Variants in CCDC141 observed in about 807,000 individuals in gnomAD.
CCDC141 encodes the protein coiled-coil domain containing 141.
CCDC141 carries 168 observed loss-of-function variants against 181.0 expected under a neutral mutation model. The ratio of observed to expected loss-of-function variants is 0.93; its 90% CI spans 0.82 to 1.05. The LOEUF (loss-of-function observed/expected upper bound fraction) is 1.05. Among genes scored for constraint, CCDC141 ranks in the 50% least tolerant of loss-of-function variants. The pLI, the probability that CCDC141 is intolerant of heterozygous loss-of-function variation, is 0.00. For missense variants in CCDC141, 1,902 were observed against 1,788.5 expected, an observed-to-expected ratio of 1.06 and a Z score of -1.14; for synonymous variants, 666 against 642.3, an observed-to-expected ratio of 1.04 and a Z score of -0.56.
At chr2:178,860,163 G>A (rs1319078649) in intron 17 of CCDC141, among the ~76,000 whole-genome samples, 1 of 152,074 alleles carries the variant, frequency 6.6e-6, no homozygotes, top group Non-Finnish European at 1.5e-5. Flanking sequence ...AAAGCTTTTT[G>A]ATGCTCATAT....
In CCDC141 at chr2:178,906,178, T is replaced by C. The variant is rs112559159; in HGVS notation, c.1093-677A>G. Among the ~76,000 whole-genome samples the C allele has an allele frequency of 4.5e-3, 686 of 152,318 alleles. 7 individuals carry two copies. The highest frequency in any genetic ancestry group is 0.016 in the African/African-American group (653 of 41,574). On this transcript the variant is annotated intron_variant, in intron 7 of 23. Transcript: ENST00000443758. Reference sequence around the variant, plus strand: ...AAACATAGCCTTGCAAACCAAGATATTGTCTTGAGAGAAGATTTTAAAATT... The same window carrying C: ...AAACATAGCCTTGCAAACCAAGATACTGTCTTGAGAGAAGATTTTAAAATT...
chr2:178,821,516 A>G, the CCDC141 span, among the ~76,000 whole-genome samples: 4 of 152,210 alleles, frequency 2.6e-5, no homozygotes, highest in African/African-American at 9.6e-5. Context: ...AGTGAGAGCT[A>G]GACGCACATT....
At chr2:178,928,560 A>C (rs1489544871) in intron 6 of CCDC141, among the ~76,000 whole-genome samples, 3 of 145,340 alleles carry the variant, frequency 2.1e-5, no homozygotes, top group African/African-American at 8.5e-5. Context: ...AAATGCCAGG[A>C]AAAAAAAAGA....
chr2:178,959,875 CAT>C (rs1253982161), intron 5 of CCDC141, among the ~76,000 whole-genome samples: 1 of 152,198 alleles, frequency 6.6e-6, no homozygotes, highest in Non-Finnish European at 1.5e-5. Context: ...TTGACCAACA[CAT>C]GTCAAAATTC....
At chr2:178,955,271 C>A (rs984629210) in intron 5 of CCDC141, among the ~76,000 whole-genome samples, 1 of 151,870 alleles carries the variant, frequency 6.6e-6, no homozygotes, top group South Asian at 2.1e-4. Flanking sequence ...GGTGACAGAG[C>A]GAGACTCTGT....
In CCDC141 at chr2:178,944,576, C is replaced by T; in HGVS notation, c.856G>A (p.Asp286Asn). 1.3e-6 allele frequency: 2 copies of T among 1,538,098 alleles called. No homozygotes were observed. The highest frequency in any genetic ancestry group is 8.8e-7 in the Non-Finnish European group (1 of 1,140,558). The change falls in exon 6 of 24, where the codon GAT (aspartate) becomes AAT (asparagine). Residue 286 changes from aspartate (D) to asparagine (N), a missense_variant. Physicochemically the swap from Asp to Asn is conservative, Grantham distance 23. Transcript: ENST00000443758. ...AGTTCCTCTTGCTTATGAATTCGAT[C>T]CTCATTGTCTGAAAGTGATGAACCT... The part of the protein sequence containing the change: ...SLGSSLSDNE[D>N]RIHKQEELII...
intron 6 of CCDC141, among the ~76,000 whole-genome samples, chr2:178,930,484 A>G (rs1420034297): frequency 3.3e-5 from 5 of 152,070 alleles, no homozygotes. Flanking sequence ...ATTGGAAAGG[A>G]CCCTGAATAG....
intron 2 of CCDC141, among the ~76,000 whole-genome samples, chr2:179,010,124 A>T (rs1320094878): frequency 6.6e-6 from 1 of 152,048 alleles, no homozygotes; most frequent in East Asian, 1.9e-4. Flanking sequence ...AGAAAATATG[A>T]ACAAAGCCTC....
At chr2:178,834,900 G>A (rs548558337) in intron 23 of CCDC141, among the ~76,000 whole-genome samples, 1 of 151,718 alleles carries the variant, frequency 6.6e-6, no homozygotes, top group East Asian at 2.0e-4. Context: ...GGTGGCGAGA[G>A]AATTGCTTTG....
intron 13 of CCDC141, 101 bp downstream of exon 13, chr2:178,872,032 G>A: frequency 1.8e-6 from 2 of 1,134,836 alleles, no homozygotes; most frequent in South Asian, 1.6e-5. Context: ...TTATCCTTTT[G>A]TGTTTGGCTT....
rs1428155158 is a variant in CCDC141, at chr2:178,981,700, A to C, written c.226-3025T>G. Among the ~76,000 whole-genome samples, 7 of 141,458 alleles carry C rather than the reference A, an allele frequency of 4.9e-5. No homozygotes were observed. In the East Asian group the frequency reaches 1.4e-3, roughly 29 times the overall value. 92.8% of individuals were successfully genotyped at this position (141,458 alleles called of 152,430 possible). ...TATATATATAGAGAGAGAGAGAGAG[A>C]GAAAAAAAAACCTAAATCAGTCTTC... On this transcript the variant is annotated intron_variant, in intron 2 of 23. Transcript: ENST00000443758.
intron 8 of CCDC141, among the ~76,000 whole-genome samples, chr2:178,899,006 T>G (rs1269347617): frequency 6.6e-6 from 1 of 152,154 alleles, no homozygotes; most frequent in African/African-American, 2.4e-5. Context: ...TTACCCTCAG[T>G]ATTTTTTTAA....
At chr2:178,852,404 A>G (rs17362581) in intron 20 of CCDC141, among the ~76,000 whole-genome samples, 40,959 of 152,174 alleles carry the variant, frequency 0.27, 7,249 homozygotes, top group Non-Finnish European at 0.4. Context: ...GAGGAAACAT[A>G]TATCAGGCTA....
intron 20 of CCDC141, among the ~76,000 whole-genome samples, chr2:178,852,718 T>A (rs929163353): frequency 2.0e-5 from 3 of 152,222 alleles, no homozygotes; most frequent in African/African-American, 7.2e-5. Flanking sequence ...ATTTGCCTGG[T>A]CACTGGGAAT....
intron 6 of CCDC141, among the ~76,000 whole-genome samples, chr2:178,927,712 G>A (rs997312432): frequency 2.6e-5 from 4 of 152,098 alleles, no homozygotes; most frequent in African/African-American, 9.7e-5. Flanking sequence ...GGAGTGAAGG[G>A]TGACAGAAAA....
At chr2:178,899,028 A>G (rs1206063857) in intron 8 of CCDC141, among the ~76,000 whole-genome samples, 1 of 152,104 alleles carries the variant, frequency 6.6e-6, no homozygotes, top group African/African-American at 2.4e-5. Context: ...CTCTTTATAT[A>G]GAAAGTAAAA....
intron 2 of CCDC141, among the ~76,000 whole-genome samples, chr2:179,017,037 G>A (rs1035550468): frequency 6.6e-6 from 1 of 151,806 alleles, no homozygotes; most frequent in Non-Finnish European, 1.5e-5. Context: ...ACACAAAAAT[G>A]TATTAATCTA....
chr2:178,848,978 T>C (rs538104121), intron 21 of CCDC141, among the ~76,000 whole-genome samples: 1 of 152,088 alleles, frequency 6.6e-6, no homozygotes, highest in Non-Finnish European at 1.5e-5. Flanking sequence ...GAAAAAGCTA[T>C]GCACGAAGAT....
Position 178,978,524 on chromosome 2 carries a change from A to C in CCDC141, c.377T>G (p.Leu126Arg). 1 of 1,529,430 alleles carries C rather than the reference A, an allele frequency of 6.5e-7. No individual in the cohort carries two copies. The highest frequency in any genetic ancestry group is 1.2e-5 in the South Asian group (1 of 80,592). The allele number at this position is 1,529,430 out of a possible 1,614,324, so 94.7% of individuals were successfully genotyped here. Reference sequence around the variant, plus strand: ...AAAAAATTCAGAAGTCAACCTAAGGAGCTCTGTTCTTCTTTCAAGCATGGA... The same window carrying C: ...AAAAAATTCAGAAGTCAACCTAAGGCGCTCTGTTCTTCTTTCAAGCATGGA... ...LVSMLERRTE[L>R]LRLTSEFFEN... Residue 126 changes from leucine (L) to arginine (R), a missense_variant, in exon 3 of 24, where the codon CTC becomes CGC. Coordinates refer to ENST00000443758, the MANE Select transcript of CCDC141 (RefSeq NM_173648.4).
Sources: gnomAD v4.1 joint callset for allele counts (sites outside exome capture counted in the v4.1 genomes callset) on GRCh38, gnomAD v4.1.1 for gene constraint, MANE v1.5 for transcripts, NCBI Gene and HGNC (gene_info 2026-07-23, HGNC 2026-07-21) for gene names.